COMMD1: variants seen among roughly 807,000 people sequenced by gnomAD.
The protein encoded by COMMD1 is COMM domain-containing protein 1.
A neutral mutation model predicts 17.2 loss-of-function variants in COMMD1; 10 were observed. The observed-to-expected ratio is 0.58, with a 90% CI of 0.36 to 0.99. The LOEUF is 0.99. Ranked by LOEUF, COMMD1 falls within the 50% of genes least tolerant of loss-of-function variation. The probability of loss-of-function intolerance (pLI) is 0.01; values close to 1 mark genes in which losing one functional copy is unlikely to be tolerated. For synonymous variants in COMMD1, 97 were observed against 91.6 expected, an observed-to-expected ratio of 1.06 and a Z score of -0.34; for missense variants, 270 against 231.8, an observed-to-expected ratio of 1.17 and a Z score of -1.07.
intron 2 of COMMD1, among the ~76,000 whole-genome samples, chr2:62,061,178 C>A (rs1230083653): frequency 6.6e-6 from 1 of 152,144 alleles, no homozygotes; most frequent in African/African-American, 2.4e-5. Context: ...AATTCCGACA[C>A]CTAGGTAATT....
chr2:61,970,104 A>G (rs1339285175), intron 1 of COMMD1, among the ~76,000 whole-genome samples: 1 of 151,858 alleles, frequency 6.6e-6, no homozygotes, highest in Non-Finnish European at 1.5e-5. Flanking sequence ...TAAAAATACA[A>G]AAAATTAGCT....
At chr2:61,890,031 G>A (rs2105150298) in intron 1 of COMMD1, among the ~76,000 whole-genome samples, 1 of 152,296 alleles carries the variant, frequency 6.6e-6, no homozygotes, top group East Asian at 1.9e-4. Context: ...CAGAAGCCAT[G>A]AGCTAAACTG....
intron 2 of COMMD1, among the ~76,000 whole-genome samples, chr2:62,016,245 A>G (rs1473275884): frequency 1.6e-3 from 171 of 107,722 alleles, no homozygotes; most frequent in African/African-American, 6.1e-3. Context: ...GTCTTGCTCT[A>G]TCGCCCAAGC....
At chr2:61,899,961 C>T (rs548312202) in intron 1 of COMMD1, among the ~76,000 whole-genome samples, 284 of 152,278 alleles carry the variant, frequency 1.9e-3, no homozygotes, top group African/African-American at 5.6e-3. Flanking sequence ...TGTGAGCCAC[C>T]GCGCCCAGCC....
intron 1 of COMMD1, among the ~76,000 whole-genome samples, chr2:61,944,689 A>G (rs561521954): frequency 6.6e-6 from 1 of 152,306 alleles, no homozygotes; most frequent in African/African-American, 2.4e-5. Flanking sequence ...AGGTAGTGCA[A>G]TACAGGAAAG....
intron 1 of COMMD1, among the ~76,000 whole-genome samples, chr2:61,961,744 C>G (rs1204149610): frequency 6.6e-6 from 1 of 151,154 alleles, no homozygotes; most frequent in African/African-American, 2.4e-5. Flanking sequence ...CAATTTTTAT[C>G]TTTTTGCCTT....
intron 2 of COMMD1, among the ~76,000 whole-genome samples, chr2:62,049,862 C>T (rs561313237): frequency 6.6e-5 from 10 of 151,996 alleles, no homozygotes; most frequent in Non-Finnish European, 1.5e-4. Context: ...TGGAACTCTG[C>T]TTTTAAAAGA....
At position 62,016,236 on chromosome 2, in the gene COMMD1, T is replaced by G. The variant is rs1488729187; in HGVS notation, c.462+15254T>G. On this transcript the variant is annotated intron_variant, in intron 2 of 2. Coordinates refer to ENST00000311832, the MANE Select transcript of COMMD1 (RefSeq NM_152516.4). ...TTTTTTTTTTTTTTTCGAGACAGGG[T>G]CTTGCTCTATCGCCCAAGCTGGAGT... 3.5e-5 allele frequency among the ~76,000 whole-genome samples: 5 copies of G among 142,550 alleles called. No homozygotes were observed. In the East Asian group the frequency reaches 8.0e-4, roughly 23 times the overall value. 93.5% of individuals were successfully genotyped at this position (142,550 alleles called of 152,430 possible).
chr2:61,945,812 G>A (rs1670890525), intron 1 of COMMD1, among the ~76,000 whole-genome samples: 2 of 152,246 alleles, frequency 1.3e-5, no homozygotes, highest in Admixed American at 1.3e-4. Context: ...CTCATTGGCA[G>A]TTGGTTGAAA....
chr2:62,052,014 T>C (rs1251088783), intron 2 of COMMD1, among the ~76,000 whole-genome samples: 1 of 152,210 alleles, frequency 6.6e-6, no homozygotes, highest in African/African-American at 2.4e-5. Flanking sequence ...TACCATCCAC[T>C]CTTTCAGTCT....
intron 2 of COMMD1, among the ~76,000 whole-genome samples, chr2:62,087,459 G>A (rs1671701515): frequency 6.6e-6 from 1 of 152,162 alleles, no homozygotes; most frequent in Admixed American, 6.5e-5. Context: ...TAAAAACCTT[G>A]ATAAGTGGGG....
chr2:61,947,805 G>C (rs1016635355), intron 1 of COMMD1, among the ~76,000 whole-genome samples: 1 of 148,896 alleles, frequency 6.7e-6, no homozygotes, highest in Non-Finnish European at 1.5e-5. Context: ...TCCCGCCTCA[G>C]CCTCCTGAGG....
chr2:62,083,777 A>T (rs1291392800), intron 2 of COMMD1, among the ~76,000 whole-genome samples: 3 of 152,266 alleles, frequency 2.0e-5, no homozygotes, highest in African/African-American at 4.8e-5. Context: ...ATAGAGATTT[A>T]TGGATGATAC....
intron 2 of COMMD1, chr2:62,118,323 A>G (rs1672657398): frequency 1.3e-5 from 2 of 152,220 alleles, no homozygotes; most frequent in Admixed American, 1.3e-4. Flanking sequence ...TGGGAAACAC[A>G]TTGTTAATGT....
chr2:61,922,083 C>T (rs931430250), intron 1 of COMMD1, among the ~76,000 whole-genome samples: 3 of 152,000 alleles, frequency 2.0e-5, no homozygotes, highest in Non-Finnish European at 4.4e-5. Flanking sequence ...AGTTTTATAG[C>T]CCTTTTAATA....
At position 61,956,839 on chromosome 2, in the gene COMMD1, C is replaced by T. The variant is rs60933539; in HGVS notation, c.181-43862C>T. ...GATATCAGCTCACTGCAACCTTTGCCTCCCGAGTTCAAGCAATTTCCCTGC... is the reference window on the plus strand; with the variant it reads ...GATATCAGCTCACTGCAACCTTTGCTTCCCGAGTTCAAGCAATTTCCCTGC... On this transcript the variant is annotated intron_variant, in intron 1 of 2. Coordinates refer to ENST00000311832, the MANE Select transcript of COMMD1 (RefSeq NM_152516.4). Among the ~76,000 whole-genome samples, 749 of 152,238 alleles carry T rather than the reference C, an allele frequency of 4.9e-3. 7 individuals carry two copies. The highest frequency in any genetic ancestry group is 0.017 in the African/African-American group (712 of 41,522).
intron 2 of COMMD1, among the ~76,000 whole-genome samples, chr2:62,033,429 G>A (rs1669962204): frequency 6.6e-6 from 1 of 152,150 alleles, no homozygotes; most frequent in Non-Finnish European, 1.5e-5. Flanking sequence ...AGCCTTGGGA[G>A]AGAACAGAAA....
At chr2:62,092,082 T>G (rs1188875909) in intron 2 of COMMD1, among the ~76,000 whole-genome samples, 1 of 152,128 alleles carries the variant, frequency 6.6e-6, no homozygotes, top group Non-Finnish European at 1.5e-5. Context: ...AGGAGAAATT[T>G]TGAGGTCTGA....
At chr2:62,128,704 G>C (rs1672949146) in intron 2 of COMMD1, among the ~76,000 whole-genome samples, 1 of 152,082 alleles carries the variant, frequency 6.6e-6, no homozygotes, top group Non-Finnish European at 1.5e-5. Context: ...CGTAATCCCA[G>C]CACTTTGGGA....
Sources: allele counts gnomAD v4.1 joint callset (sites outside exome capture counted in the v4.1 genomes callset), GRCh38; gene constraint gnomAD v4.1.1; transcripts MANE v1.5; gene names NCBI Gene and HGNC (gene_info 2026-07-23, HGNC 2026-07-21).